Variants in AADACL2 observed in about 807,000 individuals in gnomAD.
The protein encoded by AADACL2 is arylacetamide deacetylase-like 2.
AADACL2 carries 23 observed loss-of-function variants against 22.3 expected under a neutral mutation model. The ratio of observed to expected loss-of-function variants is 1.03; its 90% CI spans 0.74 to 1.46. AADACL2 has a LOEUF of 1.46. Among genes scored for constraint, AADACL2 ranks in the 40% most tolerant of loss-of-function variants. AADACL2 has a pLI of 0.00. For missense variants in AADACL2, 472 were observed against 482.9 expected (o/e 0.98, Z 0.21); for synonymous variants, 177 against 166.2 (o/e 1.07, Z -0.50).
chr3:151,747,589 G>C (rs898180934), intron 4 of AADACL2, among the ~76,000 whole-genome samples: 1 of 151,548 alleles, frequency 6.6e-6, no homozygotes, highest in Admixed American at 6.6e-5. Flanking sequence ...CTTCTTTCTG[G>C]AGGCTGAATA....
intron 3 of AADACL2, among the ~76,000 whole-genome samples, chr3:151,744,973 C>A (rs1359225361): frequency 6.6e-6 from 1 of 152,030 alleles, no homozygotes; most frequent in African/African-American, 2.4e-5. Flanking sequence ...AGCAAGCTCT[C>A]TGGCATATTT....
At chr3:151,740,291 C>A (rs1713235314) in intron 1 of AADACL2, among the ~76,000 whole-genome samples, 1 of 152,336 alleles carries the variant, frequency 6.6e-6, no homozygotes, top group South Asian at 2.1e-4. Context: ...CAATGCCCCA[C>A]CCTGCTTCTG....
chr3:151,754,853 C>A (rs961108382), intron 4 of AADACL2, among the ~76,000 whole-genome samples: 2 of 152,054 alleles, frequency 1.3e-5, no homozygotes, highest in African/African-American at 4.8e-5. Flanking sequence ...TTTTTGCACT[C>A]AAGTACATAT....
intron 4 of AADACL2, among the ~76,000 whole-genome samples, chr3:151,749,310 A>AT (rs1560285041): frequency 6.6e-6 from 1 of 151,756 alleles, no homozygotes; most frequent in South Asian, 2.1e-4. Context: ...TTGAAATGGG[A>AT]TTTTTTAAAA....
At chr3:151,753,551 T>C (rs894155489) in intron 4 of AADACL2, among the ~76,000 whole-genome samples, 6 of 152,102 alleles carry the variant, frequency 3.9e-5, no homozygotes, top group African/African-American at 1.4e-4. Flanking sequence ...TGTGTATTGT[T>C]GGAATCAAGT....
intron 1 of AADACL2, among the ~76,000 whole-genome samples, chr3:151,735,285 A>G (rs1713051415): frequency 6.6e-6 from 1 of 152,224 alleles, no homozygotes; most frequent in Non-Finnish European, 1.5e-5. Context: ...AAACCCTACT[A>G]CAACCCACTG....
At chr3:151,739,551 A>G (rs1489405360) in intron 1 of AADACL2, among the ~76,000 whole-genome samples, 3 of 152,158 alleles carry the variant, frequency 2.0e-5, no homozygotes, top group African/African-American at 7.2e-5. Flanking sequence ...CCTTCTCAGG[A>G]TCAGCTGCTC....
Position 151,744,118 on chromosome 3 carries a change from T to C in AADACL2, c.387T>C (p.Asn129=). Residue 129 remains asparagine, a synonymous_variant, in exon 3 of 5, where the codon AAT becomes AAC. Transcript: ENST00000356517. ...SSKQRAFDFL[N]RWTANTLDAV... ...AACAGAGGGCTTTTGACTTCCTGAA[T>C]AGATGGACGGCAAACACGCTTGATG... The C allele has an allele frequency of 3.1e-6, 5 of 1,613,794 alleles. No homozygotes were observed. Among genetic ancestry groups the C allele is most frequent in the Non-Finnish European group, 4.2e-6 (5 of 1,179,748 alleles).
chr3:151,751,276 G>A (rs1261512699), intron 4 of AADACL2, among the ~76,000 whole-genome samples: 1 of 152,096 alleles, frequency 6.6e-6, no homozygotes, highest in Non-Finnish European at 1.5e-5. Flanking sequence ...ATCTGAAACC[G>A]GTTTGGGGAA....
At chr3:151,746,758 G>A (rs1439143589) in intron 4 of AADACL2, among the ~76,000 whole-genome samples, 1 of 152,052 alleles carries the variant, frequency 6.6e-6, no homozygotes, top group Middle Eastern at 3.2e-3. Flanking sequence ...ACTTTTAAAT[G>A]TTAAATTATG....
intron 2 of AADACL2, among the ~76,000 whole-genome samples, chr3:151,742,759 C>A (rs766933467): frequency 6.6e-6 from 1 of 152,174 alleles, no homozygotes; most frequent in African/African-American, 2.4e-5. Context: ...GAAAACTCAT[C>A]CCACCAGTTG....
At position 151,761,206 on chromosome 3, in the gene AADACL2, T is replaced by TTG. The variant is rs1329591767; in HGVS notation, c.*3612_*3613insTG. ...ATGGTGAGATATATACATATTGTGA[T>TTG]ATATATATATATATATATATATATA... On this transcript the variant is annotated 3_prime_UTR_variant, in exon 5 of 5. Transcript: ENST00000356517. 1 of 44,030 alleles carries TTG rather than the reference T, an allele frequency of 2.3e-5. No homozygotes were observed. Among genetic ancestry groups the TTG allele is most frequent in the Admixed American group, 2.2e-4 (1 of 4,602 alleles). 2.7% of individuals were successfully genotyped at this position (44,030 alleles called of 1,614,324 possible). A position where few individuals can be genotyped will look rare whatever the true frequency, so the allele number is the denominator to read the frequency against.
At chr3:151,736,361 G>A (rs1713087133) in intron 1 of AADACL2, among the ~76,000 whole-genome samples, 1 of 150,036 alleles carries the variant, frequency 6.7e-6, no homozygotes, top group Non-Finnish European at 1.5e-5. Flanking sequence ...GAACGTGCAG[G>A]TTTGTTGCAT....
chr3:151,742,863 C>T (rs1713323011), intron 2 of AADACL2, among the ~76,000 whole-genome samples: 1 of 152,158 alleles, frequency 6.6e-6, no homozygotes, highest in Non-Finnish European at 1.5e-5. Flanking sequence ...AAGTTTGAAT[C>T]CTTTATTTAC....
chr3:151,749,461 A>G (rs901020289), intron 4 of AADACL2, among the ~76,000 whole-genome samples: 1 of 152,062 alleles, frequency 6.6e-6, no homozygotes, highest in African/African-American at 2.4e-5. Context: ...TCTGTATCTA[A>G]TATCATGTAA....
intron 1 of AADACL2, 116 bp downstream of exon 1, chr3:151,734,289 G>A: frequency 8.6e-7 from 1 of 1,156,188 alleles, no homozygotes; most frequent in East Asian, 2.6e-5. Context: ...AAGAACCATT[G>A]CTTGTTTGAG....
At chr3:151,735,804 G>T (rs567850759) in intron 1 of AADACL2, among the ~76,000 whole-genome samples, 18 of 152,116 alleles carry the variant, frequency 1.2e-4, no homozygotes, top group African/African-American at 3.1e-4. Flanking sequence ...AAGTATAGTG[G>T]CTAGATGTTC....
chr3:151,753,408 A>C lies in AADACL2; in HGVS notation c.604-3584A>C, dbSNP rs74560279. Among the ~76,000 whole-genome samples the C allele has an allele frequency of 6.4e-3, 968 of 152,082 alleles. 13 individuals carry two copies. Among genetic ancestry groups the C allele is most frequent in the African/African-American group, 0.022 (924 of 41,484 alleles). On this transcript the variant is annotated intron_variant, in intron 4 of 4. Coordinates refer to ENST00000356517, the MANE Select transcript of AADACL2 (RefSeq NM_207365.4). ...GAGGAGAGCAGGTTGATTATCTTGGACTCTAGCCCATGTGGGAGTTTTGCA... is the reference window on the plus strand; with the variant it reads ...GAGGAGAGCAGGTTGATTATCTTGGCCTCTAGCCCATGTGGGAGTTTTGCA...
At chr3:151,754,180 G>A (rs1481205783) in intron 4 of AADACL2, among the ~76,000 whole-genome samples, 3 of 152,088 alleles carry the variant, frequency 2.0e-5, no homozygotes, top group Non-Finnish European at 4.4e-5. Context: ...TGCTGTCCAG[G>A]AGGGATGTTT....
Sources: allele counts gnomAD v4.1 joint callset (sites outside exome capture counted in the v4.1 genomes callset), GRCh38; gene constraint gnomAD v4.1.1; transcripts MANE v1.5; gene names NCBI Gene and HGNC (gene_info 2026-07-23, HGNC 2026-07-21).